The following KIF13B variants were observed in gnomAD, a reference collection of about 807,000 sequenced individuals.
The protein encoded by KIF13B is kinesin family member 13B, also known as kinesin-like protein KIF13B.
Under a neutral mutation model 222.0 loss-of-function variants are expected in KIF13B, and 127 were observed. The ratio of observed to expected loss-of-function variants is 0.57; its 90% CI spans 0.50 to 0.66. KIF13B has a LOEUF of 0.66. Ranked by LOEUF, KIF13B falls within the 30% of genes least tolerant of loss-of-function variation. The pLI is 0.00. For missense variants in KIF13B, 2,173 were observed against 2,379.0 expected, an observed-to-expected ratio of 0.91 and a Z score of 1.80; for synonymous variants, 976 against 919.0, an observed-to-expected ratio of 1.06 and a Z score of -1.12.
At chr8:29,214,767 C>T (rs1341597254) in intron 2 of KIF13B, among the ~76,000 whole-genome samples, 10 of 152,184 alleles carry the variant, frequency 6.6e-5, no homozygotes, top group Non-Finnish European at 8.8e-5. Flanking sequence ...AGTTTGCTTT[C>T]ACCAGCCTCA....
At chr8:29,092,079 CTGTA>C (rs761405126) in intron 37 of KIF13B, among the ~76,000 whole-genome samples, 72 of 152,210 alleles carry the variant, frequency 4.7e-4, no homozygotes, top group Non-Finnish European at 9.3e-4. Context: ...AGAACTTGCC[CTGTA>C]TGTGTTTTTG....
chr8:29,096,803 C>T (rs1450335959), intron 36 of KIF13B, among the ~76,000 whole-genome samples: 2 of 151,712 alleles, frequency 1.3e-5, no homozygotes, highest in Non-Finnish European at 2.9e-5. Context: ...GGTTTCTGAG[C>T]AAAGACTTTA....
chr8:29,163,126 T>C (rs567090978), intron 12 of KIF13B, among the ~76,000 whole-genome samples: 2 of 152,334 alleles, frequency 1.3e-5, no homozygotes, highest in South Asian at 4.1e-4. Flanking sequence ...TAAGGGACAA[T>C]GTGGTATAGC....
chr8:29,166,165 T>C (rs1811991098), intron 11 of KIF13B, among the ~76,000 whole-genome samples: 1 of 152,186 alleles, frequency 6.6e-6, no homozygotes, highest in African/African-American at 2.4e-5. Flanking sequence ...ACAGACTAAA[T>C]GTGTACATGT....
In KIF13B at chr8:29,237,967, C is replaced by T. The variant is rs550629739; in HGVS notation, c.149+7379G>A. Among the ~76,000 whole-genome samples the T allele has an allele frequency of 1.8e-3, 271 of 152,284 alleles. 2 individuals carry two copies. The highest frequency in any genetic ancestry group is 6.0e-3 in the African/African-American group (250 of 41,566). On this transcript the variant is annotated intron_variant, in intron 2 of 39. Transcript: ENST00000524189. ...CTGTACTCTAATAAAATTAGCAGGA[C>T]GGGCTCCCTGAGGAAGAGCCCCATT...
intron 8 of KIF13B, among the ~76,000 whole-genome samples, chr8:29,179,229 A>ACCT (rs1008857559): frequency 6.6e-6 from 1 of 151,270 alleles, no homozygotes; most frequent in Non-Finnish European, 1.5e-5. Flanking sequence ...CAATCCTCCC[A>ACCT]CCTCAGCCTC....
rs76886387 is a variant in KIF13B, at chr8:29,102,790, G to A, written c.4216-3549C>T. On this transcript the variant is annotated intron_variant, in intron 35 of 39. Transcript: ENST00000524189. Reference sequence around the variant, plus strand: ...AAACCATCACGGCTTTCAGGAAGGCGATGGAGCCAACACAAAATTCAATTC... The same window carrying A: ...AAACCATCACGGCTTTCAGGAAGGCAATGGAGCCAACACAAAATTCAATTC... 5.8e-3 allele frequency among the ~76,000 whole-genome samples: 884 copies of A among 152,330 alleles called. 5 individuals carry two copies. The highest frequency in any genetic ancestry group is 0.021 in the African/African-American group (854 of 41,580).
chr8:29,251,732 C>T (rs560071520), intron 1 of KIF13B, among the ~76,000 whole-genome samples: 12 of 152,138 alleles, frequency 7.9e-5, no homozygotes, highest in Non-Finnish European at 1.8e-4. Context: ...CTCAATGCTA[C>T]TGAACTGTGC....
intron 2 of KIF13B, among the ~76,000 whole-genome samples, chr8:29,227,841 C>T (rs1228173042): frequency 6.6e-6 from 1 of 152,046 alleles, no homozygotes; most frequent in Non-Finnish European, 1.5e-5. Flanking sequence ...GCCCCAGCTA[C>T]TCAGGAGGCT....
chr8:29,156,769 C>A (rs1396422736), intron 13 of KIF13B, among the ~76,000 whole-genome samples: 5 of 151,716 alleles, frequency 3.3e-5, no homozygotes, highest in Non-Finnish European at 7.4e-5. Flanking sequence ...AATCCTTCCA[C>A]TTCACCCTCC....
At chr8:29,183,972 A>G (rs1812824211) in intron 6 of KIF13B, among the ~76,000 whole-genome samples, 1 of 152,216 alleles carries the variant, frequency 6.6e-6, no homozygotes, top group Non-Finnish European at 1.5e-5. Context: ...CAGTAAAATC[A>G]GGGGATAAGG....
intron 5 of KIF13B, 37 bp from the exon 6 acceptor site, chr8:29,186,509 T>A: frequency 6.5e-7 from 1 of 1,542,242 alleles, no homozygotes; most frequent in Non-Finnish European, 8.8e-7. Flanking sequence ...ATTGTCTCTT[T>A]GAGACGTTAA....
chr8:29,163,246 A>T (rs189995865), intron 12 of KIF13B, among the ~76,000 whole-genome samples: 1 of 152,206 alleles, frequency 6.6e-6, no homozygotes, highest in African/African-American at 2.4e-5. Flanking sequence ...GAACTTACAA[A>T]CTCAACAGGG....
chr8:29,257,854 CAAAA>C (rs1816544059), intron 1 of KIF13B, among the ~76,000 whole-genome samples: 1 of 152,044 alleles, frequency 6.6e-6, no homozygotes, highest in African/African-American at 2.4e-5. Context: ...AACCAACAAA[CAAAA>C]AACAGGAGAT....
intron 2 of KIF13B, among the ~76,000 whole-genome samples, chr8:29,220,307 C>G (rs1814684787): frequency 6.6e-6 from 1 of 152,112 alleles, no homozygotes. Context: ...ACTAGCCTTG[C>G]CTGGTACTCT....
chr8:29,137,231 A>C (rs1810605038), intron 21 of KIF13B, among the ~76,000 whole-genome samples: 1 of 152,266 alleles, frequency 6.6e-6, no homozygotes, highest in Non-Finnish European at 1.5e-5. Context: ...ACAAGATTTA[A>C]TATGCTGAAC....
Position 29,105,650 on chromosome 8 carries a change from G to GTTTTTTTTTTTTT in KIF13B, c.4215+2476_4215+2488dup, listed in dbSNP as rs869030059. On this transcript the variant is annotated intron_variant, in intron 35 of 39. Transcript: ENST00000524189. ...AAGGAAACTGGGCAGAGTTTGTTTG[G>GTTTTTTTTTTTTT]TTTTTTTTTTTTTTTTTTTTTTTTT... Among the ~76,000 whole-genome samples, 10 of 78,072 alleles carry GTTTTTTTTTTTTT rather than the reference G, an allele frequency of 1.3e-4. 3 individuals are homozygous for GTTTTTTTTTTTTT. Among genetic ancestry groups the GTTTTTTTTTTTTT allele is most frequent in the East Asian group, 4.7e-4 (1 of 2,132 alleles). The allele number at this position is 78,072 out of a possible 152,430, so 51.2% of individuals were successfully genotyped here.
At chr8:29,205,095 A>G (rs1813869614) in intron 2 of KIF13B, among the ~76,000 whole-genome samples, 1 of 152,146 alleles carries the variant, frequency 6.6e-6, no homozygotes, top group Admixed American at 6.5e-5. Flanking sequence ...AGGCAAAGGC[A>G]GGAGGATCGC....
chr8:29,215,974 G>C (rs570204131), intron 2 of KIF13B, among the ~76,000 whole-genome samples: 3 of 152,170 alleles, frequency 2.0e-5, no homozygotes, highest in Non-Finnish European at 4.4e-5. Context: ...GGGTGTGTAT[G>C]TAGATAAACA....
Sources: allele counts gnomAD v4.1 joint callset (sites outside exome capture counted in the v4.1 genomes callset), GRCh38; gene constraint gnomAD v4.1.1; transcripts MANE v1.5; gene names NCBI Gene and HGNC (gene_info 2026-07-23, HGNC 2026-07-21).